Variants in PAK4 observed in about 807,000 individuals in gnomAD.
PAK4 encodes serine/threonine-protein kinase PAK 4.
PAK4 carries 49 observed loss-of-function variants against 53.5 expected under a neutral mutation model. That is an observed-to-expected ratio of 0.92 (90% confidence interval 0.73 to 1.16). PAK4 has a LOEUF of 1.16. PAK4 is among the 50% of genes most tolerant of loss of function. PAK4 has a pLI of 0.00. For missense variants in PAK4, 824 were observed against 850.7 expected (o/e 0.97, Z 0.39); for synonymous variants, 376 against 375.6 (o/e 1.00, Z -0.01).
chr19:39,127,770 C>T lies in PAK4; in HGVS notation c.-23+1851C>T, dbSNP rs374225067. Among the ~76,000 whole-genome samples the T allele has an allele frequency of 1.2e-3, 180 of 152,258 alleles. 1 individual carries two copies. The highest frequency in any genetic ancestry group is 4.0e-3 in the African/African-American group (165 of 41,554). ...GCTTGCGAGGGCATCTTCAGAGAGC[C>T]GGGAGAGTGCCCCTACCCTGGGCTG... On this transcript the variant is annotated intron_variant, in intron 1 of 8. Transcript: ENST00000358301.
Position 39,125,933 on chromosome 19 carries a change from T to A in PAK4, c.-23+14T>A, listed in dbSNP as rs1297785402. 1.3e-5 allele frequency: 2 copies of A among 152,620 alleles called. No homozygotes were observed. Among genetic ancestry groups the A allele is most frequent in the Non-Finnish European group, 1.5e-5 (1 of 68,404 alleles). 9.5% of individuals were successfully genotyped at this position (152,620 alleles called of 1,614,324 possible). On this transcript the variant is annotated intron_variant, in intron 1 of 8. Coordinates refer to ENST00000358301, the Ensembl canonical transcript of PAK4. ...GGCGCCGAGCCGGTAGGATAAGGGG[T>A]CCGGCCAGGGGCTTGCGGTGGGCCG...
At chr19:39,158,975 C>T (rs186515947) in intron 1 of PAK4, among the ~76,000 whole-genome samples, 1 of 152,324 alleles carries the variant, frequency 6.6e-6, no homozygotes, top group African/African-American at 2.4e-5. Flanking sequence ...ATGATAACAG[C>T]AGCGAGCCTG....
intron 1 of PAK4, among the ~76,000 whole-genome samples, chr19:39,166,584 C>A (rs1220893120): frequency 6.6e-6 from 1 of 152,206 alleles, no homozygotes; most frequent in East Asian, 1.9e-4. Flanking sequence ...AGCTCCAGTT[C>A]ACAGACACAG....
intron 4 of PAK4, among the ~76,000 whole-genome samples, chr19:39,174,579 G>A (rs1301004032): frequency 2.0e-5 from 3 of 151,978 alleles, no homozygotes; most frequent in Admixed American, 6.6e-5. Context: ...GGAGCTCCTC[G>A]CCTGGGTTCC....
At chr19:39,142,715 C>T (rs1057385206) in intron 1 of PAK4, among the ~76,000 whole-genome samples, 7 of 152,220 alleles carry the variant, frequency 4.6e-5, no homozygotes, top group South Asian at 2.1e-4. Context: ...TTCCGCATCG[C>T]GTGGTGGTGA....
intron 4 of PAK4, 52 bp downstream of exon 5, chr19:39,174,062 C>A: frequency 9.2e-7 from 1 of 1,082,764 alleles, no homozygotes; most frequent in Non-Finnish European, 1.3e-6. Flanking sequence ...CCCTCCCTCC[C>A]ACCCTCCCTC....
chr19:39,158,243 G>A (rs955338681), intron 1 of PAK4, among the ~76,000 whole-genome samples: 9 of 152,084 alleles, frequency 5.9e-5, no homozygotes, highest in Admixed American at 2.0e-4. Flanking sequence ...GTGTGTGCGC[G>A]CATGTGTGAG....
intron 1 of PAK4, among the ~76,000 whole-genome samples, chr19:39,158,534 G>A (rs1233443307): frequency 1.3e-5 from 2 of 152,212 alleles, no homozygotes; most frequent in Non-Finnish European, 2.9e-5. Flanking sequence ...ACTCTCTGTT[G>A]TGGTGTCCAT....
chr19:39,175,076 GC>G lies in PAK4; in HGVS notation c.1232+14del. The G allele has an allele frequency of 6.3e-7, 1 of 1,599,574 alleles. No homozygotes were observed. Among genetic ancestry groups the G allele is most frequent in the Non-Finnish European group, 8.5e-7 (1 of 1,172,540 alleles). ...GTCACCCACACCAGGTATTTCTGGGGCCTCAGACCCCTCCTGTGACACGACC... is the reference window on the plus strand; with the variant it reads ...GTCACCCACACCAGGTATTTCTGGGGCTCAGACCCCTCCTGTGACACGACC... On this transcript the variant is annotated intron_variant, in intron 5 of 8. Transcript: ENST00000358301. The surrounding 1 kb of genome is among the most constrained non-coding windows in gnomAD (Gnocchi z 4.7).
intron 1 of PAK4, among the ~76,000 whole-genome samples, chr19:39,163,205 G>A (rs1330895782): frequency 6.6e-6 from 1 of 152,154 alleles, no homozygotes; most frequent in Non-Finnish European, 1.5e-5. Flanking sequence ...ACCCAATGGT[G>A]GAAGGCTGAG....
chr19:39,170,715 C>T (rs1163670095), intron 2 of PAK4, among the ~76,000 whole-genome samples: 1 of 152,212 alleles, frequency 6.6e-6, no homozygotes, highest in Non-Finnish European at 1.5e-5. Flanking sequence ...CCCCAAGGCC[C>T]ACAAGTTGGC....
chr19:39,165,108 A>C (rs2074347603), intron 1 of PAK4, among the ~76,000 whole-genome samples: 1 of 151,480 alleles, frequency 6.6e-6, no homozygotes, highest in Admixed American at 6.6e-5. Context: ...CAGGAGAGGA[A>C]AGGCAAGGTC....
intron 1 of PAK4, among the ~76,000 whole-genome samples, chr19:39,141,874 G>A (rs777163014): frequency 2.6e-5 from 4 of 152,130 alleles, no homozygotes; most frequent in Admixed American, 6.5e-5. Context: ...TGATCCACCC[G>A]CCTCGGCCTC....
chr19:39,178,821 AG>A lies in PAK4; in HGVS notation c.*244del, dbSNP rs1004120330. 4 of 470,342 alleles carry A rather than the reference AG, an allele frequency of 8.5e-6. No individual in the cohort carries two copies. The highest frequency in any genetic ancestry group is 6.2e-5 in the African/African-American group (3 of 48,532). 29.1% of individuals were successfully genotyped at this position (470,342 alleles called of 1,614,324 possible). A position where few individuals can be genotyped will look rare whatever the true frequency, so the allele number is the denominator to read the frequency against. ...TCCCAGGACCCCCACCCTCTGGGAC[AG>A]GCCCTCCCCCATGTTCTTCTGTCTC... On this transcript the variant is annotated 3_prime_UTR_variant, in exon 9 of 9. Coordinates refer to ENST00000358301, the Ensembl canonical transcript of PAK4. The surrounding 1 kb of genome is among the most constrained non-coding windows in gnomAD (Gnocchi z 4.4).
chr19:39,172,286 A>G (rs1023248985), intron 2 of PAK4, among the ~76,000 whole-genome samples: 3 of 152,094 alleles, frequency 2.0e-5, no homozygotes, highest in African/African-American at 7.2e-5. Context: ...GGGGGCCTGC[A>G]GGACACGACT....
chr19:39,144,368 G>A (rs2073965963), intron 1 of PAK4, among the ~76,000 whole-genome samples: 1 of 152,190 alleles, frequency 6.6e-6, no homozygotes, highest in African/African-American at 2.4e-5. Flanking sequence ...CCAGGATGGA[G>A]CCTGCACGTA....
chr19:39,179,259 A>T (rs1408497669), exon 9 of PAK4: 3 of 152,478 alleles, frequency 2.0e-5, no homozygotes, highest in Non-Finnish European at 4.4e-5. Flanking sequence ...CCCTGCCCTT[A>T]TTGGGGGACA....
rs188677165 is a variant in PAK4, at chr19:39,128,568, T to A, written c.-23+2649T>A. Reference sequence around the variant, plus strand: ...TGTCACTTACCAGCCATGGGACAAATGATTTATTTGCCACTTTTATTCCTT... The same window carrying A: ...TGTCACTTACCAGCCATGGGACAAAAGATTTATTTGCCACTTTTATTCCTT... On this transcript the variant is annotated intron_variant, in intron 1 of 8. Coordinates refer to ENST00000358301, the Ensembl canonical transcript of PAK4. Among the ~76,000 whole-genome samples the A allele has an allele frequency of 7.1e-4, 108 of 152,214 alleles. 1 individual carries two copies. The highest frequency in any genetic ancestry group is 1.3e-3 in the Non-Finnish European group (91 of 68,032).
intron 1 of PAK4, among the ~76,000 whole-genome samples, chr19:39,165,583 C>T (rs2074362542): frequency 6.6e-6 from 1 of 151,012 alleles, no homozygotes; most frequent in Admixed American, 6.6e-5. Context: ...AACAGTGTCA[C>T]CTCAGCCCTC....
Sources: gnomAD v4.1 joint callset for allele counts (sites outside exome capture counted in the v4.1 genomes callset) on GRCh38, gnomAD v4.1.1 for gene constraint, Gnocchi (gnomAD v3.1) non-coding constraint, MANE v1.5 for transcripts, NCBI Gene and HGNC (gene_info 2026-07-23, HGNC 2026-07-21) for gene names.